The following KCNMA1 variants were observed in gnomAD, a reference collection of about 807,000 sequenced individuals.
KCNMA1 encodes the protein potassium calcium-activated channel subfamily M alpha 1.
Under a neutral mutation model 140.0 loss-of-function variants are expected in KCNMA1, and 29 were observed. The ratio of observed to expected loss-of-function variants is 0.21; its 90% CI spans 0.15 to 0.28. The LOEUF (loss-of-function observed/expected upper bound fraction) is 0.28. Ranked by LOEUF, KCNMA1 falls within the 10% of genes least tolerant of loss-of-function variation. The pLI is 1.00. For missense variants in KCNMA1, 880 were observed against 1,602.2 expected, an observed-to-expected ratio of 0.55 and a Z score of 7.70; for synonymous variants, 612 against 611.9, an observed-to-expected ratio of 1.00 and a Z score of 0.00.
rs542283194 is a variant in KCNMA1, at chr10:77,332,187, TGGGGCCCA to T, written c.540+71667_540+71674del. Among the ~76,000 whole-genome samples, 10 of 152,196 alleles carry T rather than the reference TGGGGCCCA, an allele frequency of 6.6e-5. No individual in the cohort carries two copies. In the South Asian group the frequency reaches 1.9e-3, roughly 29 times the overall value. On this transcript the variant is annotated intron_variant, in intron 2 of 27. Transcript: ENST00000286628. ...AGAGGAGGAACATGTTTCCTGAATT[TGGGGCCCA>T]AAGCTGAGACCTAAAGCGTGCACAG...
At position 77,430,581 on chromosome 10, in the gene KCNMA1, A is replaced by G. The variant is rs114845201; in HGVS notation, c.379-26558T>C. Among the ~76,000 whole-genome samples, 595 of 152,286 alleles carry G rather than the reference A, an allele frequency of 3.9e-3. 3 individuals are homozygous for G. Among genetic ancestry groups the G allele is most frequent in the African/African-American group, 0.014 (569 of 41,554 alleles). ...CCACCACCATCCAGAATACTCACCT[A>G]GGAACAACGCCTAGTGAAACATCAG... On this transcript the variant is annotated intron_variant, in intron 1 of 27. Coordinates refer to ENST00000286628, the MANE Select transcript of KCNMA1 (RefSeq NM_001161352.2).
At chr10:77,468,474 G>T (rs967455053) in intron 1 of KCNMA1, among the ~76,000 whole-genome samples, 4 of 152,166 alleles carry the variant, frequency 2.6e-5, no homozygotes, top group Non-Finnish European at 4.4e-5. Flanking sequence ...GGTCATTAGG[G>T]TGGGTCCTAA....
intron 14 of KCNMA1, among the ~76,000 whole-genome samples, chr10:77,050,546 A>G (rs73290335): frequency 0.027 from 4,082 of 152,320 alleles, 190 homozygotes; most frequent in African/African-American, 0.092. Context: ...TATGGAGTCC[A>G]GTGCTATCTA....
chr10:77,127,748 T>C (rs1313784496), intron 5 of KCNMA1, among the ~76,000 whole-genome samples: 1 of 151,996 alleles, frequency 6.6e-6, no homozygotes, highest in African/African-American at 2.4e-5. Flanking sequence ...TGAGGTGGAC[T>C]GATCACTTGA....
chr10:77,097,040 C>T, intron 9 of KCNMA1, among the ~76,000 whole-genome samples: 1 of 152,148 alleles, frequency 6.6e-6, no homozygotes, highest in East Asian at 1.9e-4. Flanking sequence ...ACCAAAGCTT[C>T]ACGTTTGCCC....
chr10:76,916,944 A>G (rs972745751), intron 23 of KCNMA1, among the ~76,000 whole-genome samples: 1 of 152,200 alleles, frequency 6.6e-6, no homozygotes, highest in African/African-American at 2.4e-5. Flanking sequence ...CCATTCCCTG[A>G]CTGCACTTAA....
chr10:77,258,962 C>CAA lies in KCNMA1; in HGVS notation c.541-7708_541-7707dup, dbSNP rs67372746. Reference sequence around the variant, plus strand: ...TGGGCAACAGAGCGAGACTCTGTCTCAAAAAAATATATATATAATATATAA... The same window carrying CAA: ...TGGGCAACAGAGCGAGACTCTGTCTCAAAAAAAAATATATATATAATATATAA... On this transcript the variant is annotated intron_variant, in intron 2 of 27. Coordinates refer to ENST00000286628, the MANE Select transcript of KCNMA1 (RefSeq NM_001161352.2). Among the ~76,000 whole-genome samples the CAA allele has an allele frequency of 2.2e-3, 333 of 151,590 alleles. 3 individuals carry two copies. Among genetic ancestry groups the CAA allele is most frequent in the African/African-American group, 7.5e-3 (310 of 41,320 alleles).
chr10:77,514,944 A>AC, intron 1 of KCNMA1, among the ~76,000 whole-genome samples: 1 of 151,468 alleles, frequency 6.6e-6, no homozygotes, highest in East Asian at 1.9e-4. Context: ...GGCCCTGCCC[A>AC]CCCCACCTCC....
At chr10:76,973,291 C>T (rs956143762) in intron 19 of KCNMA1, 3 of 152,542 alleles carry the variant, frequency 2.0e-5, no homozygotes, top group African/African-American at 7.2e-5. Flanking sequence ...TCCATCCAGT[C>T]TCCAAGTACT....
intron 1 of KCNMA1, among the ~76,000 whole-genome samples, chr10:77,436,308 G>A (rs16934766): frequency 0.037 from 5,625 of 152,302 alleles, 367 homozygotes; most frequent in African/African-American, 0.13. Context: ...AATTCAAGGC[G>A]TACCAAACTT....
At chr10:77,006,187 A>G (rs2088528616) in intron 18 of KCNMA1, among the ~76,000 whole-genome samples, 1 of 152,226 alleles carries the variant, frequency 6.6e-6, no homozygotes. Flanking sequence ...AAGAGGCAGG[A>G]AAAAGCAGTA....
At chr10:77,618,408 A>G (rs1193042389) in intron 1 of KCNMA1, among the ~76,000 whole-genome samples, 1 of 152,216 alleles carries the variant, frequency 6.6e-6, no homozygotes, top group African/African-American at 2.4e-5. Flanking sequence ...ACCAGAGTCT[A>G]GATACCATAA....
intron 21 of KCNMA1, among the ~76,000 whole-genome samples, chr10:76,950,654 C>A (rs1036186755): frequency 6.6e-6 from 1 of 152,164 alleles, no homozygotes; most frequent in Non-Finnish European, 1.5e-5. Flanking sequence ...TCAAACTCTG[C>A]TTGATTTAAT....
Position 77,581,029 on chromosome 10 carries a change from T to C in KCNMA1, c.378+56236A>G, listed in dbSNP as rs147035198. Reference sequence around the variant, plus strand: ...CCCCACACCTGGGAAGAATCCATGCTTGGCTTAATGCTCTGCTATCACCAT... The same window carrying C: ...CCCCACACCTGGGAAGAATCCATGCCTGGCTTAATGCTCTGCTATCACCAT... On this transcript the variant is annotated intron_variant, in intron 1 of 27. Coordinates refer to ENST00000286628, the MANE Select transcript of KCNMA1 (RefSeq NM_001161352.2). 5.1e-3 allele frequency among the ~76,000 whole-genome samples: 780 copies of C among 152,354 alleles called. 4 individuals are homozygous for C. The highest frequency in any genetic ancestry group is 0.02 in the Middle Eastern group (6 of 294).
chr10:77,314,086 T>A (rs772076984), intron 2 of KCNMA1: 1 of 152,062 alleles, frequency 6.6e-6, no homozygotes, highest in Non-Finnish European at 1.5e-5. Context: ...TATTCCAGAA[T>A]AGAAACTATC....
chr10:77,537,856 C>T (rs972357956), intron 1 of KCNMA1, among the ~76,000 whole-genome samples: 1 of 151,984 alleles, frequency 6.6e-6, no homozygotes, highest in African/African-American at 2.4e-5. Context: ...CTTCCTGGCT[C>T]TCCCTCACTG....
At chr10:77,377,227 C>T (rs929126363) in intron 2 of KCNMA1, among the ~76,000 whole-genome samples, 2 of 152,094 alleles carry the variant, frequency 1.3e-5, no homozygotes, top group African/African-American at 4.8e-5. Flanking sequence ...CTCAGGAGCC[C>T]CAGCTCACCT....
intron 1 of KCNMA1, among the ~76,000 whole-genome samples, chr10:77,601,176 C>G (rs2082520440): frequency 6.6e-6 from 1 of 152,178 alleles, no homozygotes; most frequent in Non-Finnish European, 1.5e-5. Flanking sequence ...CTTCACACCT[C>G]TAAGAGGCAG....
chr10:77,438,313 T>C (rs1404162535), intron 1 of KCNMA1, among the ~76,000 whole-genome samples: 1 of 152,186 alleles, frequency 6.6e-6, no homozygotes, highest in Non-Finnish European at 1.5e-5. Context: ...GAATCTGTAA[T>C]TCCAACACTT....
Sources: allele counts gnomAD v4.1 joint callset (sites outside exome capture counted in the v4.1 genomes callset), GRCh38; gene constraint gnomAD v4.1.1; transcripts MANE v1.5; gene names NCBI Gene and HGNC (gene_info 2026-07-23, HGNC 2026-07-21).